Variants in RPTOR observed in about 807,000 individuals in gnomAD.
The protein encoded by RPTOR is regulatory-associated protein of mTOR.
RPTOR carries 21 observed loss-of-function variants against 169.9 expected under a neutral mutation model. That is an observed-to-expected ratio of 0.12 (90% CI 0.09 to 0.18). The LOEUF (loss-of-function observed/expected upper bound fraction) is 0.18. Among genes scored for constraint, RPTOR ranks in the 10% least tolerant of loss-of-function variants. RPTOR has a pLI of 1.00. For missense variants in RPTOR, 1,133 were observed against 1,855.9 expected, an observed-to-expected ratio of 0.61 and a Z score of 7.16; for synonymous variants, 732 against 753.2, an observed-to-expected ratio of 0.97 and a Z score of 0.46.
chr17:80,587,401 C>T (rs777287615), intron 1 of RPTOR, among the ~76,000 whole-genome samples: 1 of 152,192 alleles, frequency 6.6e-6, no homozygotes, highest in South Asian at 2.1e-4. Context: ...AATACAGTGT[C>T]GAACACTTGG....
At position 80,708,540 on chromosome 17, in the gene RPTOR, G is replaced by A. The variant is rs1306917723; in HGVS notation, c.507+541G>A. Among the ~76,000 whole-genome samples, 1 of 152,036 alleles carries A rather than the reference G, an allele frequency of 6.6e-6. No individual in the cohort carries two copies. Among genetic ancestry groups the A allele is most frequent in the Non-Finnish European group, 1.5e-5 (1 of 68,012 alleles). ...CTGTAGCTGTTGCTGTGGGTGGTGG[G>A]TGCTGACTGTCATCCCCATCCTCCA... On this transcript the variant is annotated intron_variant, in intron 4 of 33. Coordinates refer to ENST00000306801, the MANE Select transcript of RPTOR (RefSeq NM_020761.3). The surrounding 1 kb of genome is among the most constrained non-coding windows in gnomAD (Gnocchi z 4.2).
At chr17:80,901,418 A>G (rs1016042781) in intron 20 of RPTOR, among the ~76,000 whole-genome samples, 1 of 151,932 alleles carries the variant, frequency 6.6e-6, no homozygotes, top group Non-Finnish European at 1.5e-5. Flanking sequence ...TTTTATTCGT[A>G]TATCATTCAA....
intron 1 of RPTOR, among the ~76,000 whole-genome samples, chr17:80,610,073 A>G (rs767922443): frequency 6.6e-6 from 1 of 152,160 alleles, no homozygotes; most frequent in Non-Finnish European, 1.5e-5. Flanking sequence ...ACTAATGGTC[A>G]TAGAGTTGCT....
At chr17:80,780,188 T>A (rs2066926920) in intron 6 of RPTOR, among the ~76,000 whole-genome samples, 1 of 152,204 alleles carries the variant, frequency 6.6e-6, no homozygotes, top group African/African-American at 2.4e-5. Flanking sequence ...TCAGACGACT[T>A]AATTGATAAA....
intron 25 of RPTOR, 26 bp from the exon 26 acceptor site, chr17:80,945,641 C>G (rs1272721687): frequency 7.2e-7 from 1 of 1,380,402 alleles, no homozygotes; most frequent in Admixed American, 1.9e-5. Context: ...GCTCCTGGAT[C>G]CACTCTTGTG....
At chr17:80,937,241 C>T (rs1877926) in intron 24 of RPTOR, among the ~76,000 whole-genome samples, 55,443 of 151,844 alleles carry the variant, frequency 0.37, 10,291 homozygotes, top group East Asian at 0.47. Flanking sequence ...TTTGCCTTCA[C>T]CCAAGTCTTT....
intron 20 of RPTOR, among the ~76,000 whole-genome samples, chr17:80,907,747 G>A (rs1346566137): frequency 1.3e-5 from 2 of 152,142 alleles, no homozygotes; most frequent in African/African-American, 2.4e-5. Flanking sequence ...CATCACCTCC[G>A]TGTTTTATTG....
chr17:80,557,905 G>A (rs568874828), intron 1 of RPTOR, among the ~76,000 whole-genome samples: 27 of 152,136 alleles, frequency 1.8e-4, no homozygotes, highest in Non-Finnish European at 3.1e-4. Flanking sequence ...CAGCCTGGGC[G>A]ACAGAGCGAG....
intron 3 of RPTOR, among the ~76,000 whole-genome samples, chr17:80,656,865 G>A (rs542375868): frequency 9.8e-5 from 15 of 152,296 alleles, no homozygotes; most frequent in South Asian, 2.1e-4. Context: ...TCCTCTGTCC[G>A]GAACACTTGT....
At chr17:80,867,579 G>A (rs889626508) in intron 13 of RPTOR, among the ~76,000 whole-genome samples, 3 of 152,170 alleles carry the variant, frequency 2.0e-5, no homozygotes, top group Non-Finnish European at 4.4e-5. Flanking sequence ...AAAAGGAAGA[G>A]GTTTAACTGT....
intron 6 of RPTOR, chr17:80,773,923 G>A (rs973195027): frequency 3.0e-6 from 3 of 985,334 alleles, no homozygotes; most frequent in African/African-American, 1.7e-5. Context: ...CGGTGGACAC[G>A]CAGGGCTATG....
In RPTOR at chr17:80,936,470, G is replaced by A. The variant is rs2068955528; in HGVS notation, c.2920-4026G>A. On this transcript the variant is annotated intron_variant, in intron 24 of 33. Transcript: ENST00000306801. The surrounding 1 kb of genome is among the most constrained non-coding windows in gnomAD (Gnocchi z 4.1). ...ACCCAAGTTTCCTTCACCTCGTAAA[G>A]AGAGAAGCTGATACAACCATACAAT... 6.6e-6 allele frequency among the ~76,000 whole-genome samples: 1 copy of A among 152,158 alleles called. No individual in the cohort carries two copies. The highest frequency in any genetic ancestry group is 1.5e-5 in the Non-Finnish European group (1 of 68,034).
chr17:80,822,862 T>C lies in RPTOR; in HGVS notation c.992-217T>C, dbSNP rs927631115. On this transcript the variant is annotated intron_variant, in intron 8 of 33. Transcript: ENST00000306801. ...AGGTACACACCTGTGCACACACATGTATGTATGCATGTGTGCATGTGTGTA... is the reference window on the plus strand; with the variant it reads ...AGGTACACACCTGTGCACACACATGCATGTATGCATGTGTGCATGTGTGTA... Among the ~76,000 whole-genome samples, 9 of 152,176 alleles carry C rather than the reference T, an allele frequency of 5.9e-5. 1 individual carries two copies. Among genetic ancestry groups the C allele is most frequent in the African/African-American group, 2.2e-4 (9 of 41,450 alleles).
chr17:80,914,502 G>A (rs896864900), intron 21 of RPTOR, among the ~76,000 whole-genome samples: 1 of 152,214 alleles, frequency 6.6e-6, no homozygotes, highest in Non-Finnish European at 1.5e-5. Flanking sequence ...TGTGCTCTCA[G>A]GGGCCCAGGA....
chr17:80,574,320 G>A (rs1198810168), intron 1 of RPTOR, among the ~76,000 whole-genome samples: 2 of 150,440 alleles, frequency 1.3e-5, no homozygotes, highest in African/African-American at 4.9e-5. Flanking sequence ...GCCCGCCACC[G>A]CGCCCGGCTA....
In RPTOR at chr17:80,845,072, G is replaced by A. The variant is rs931914641; in HGVS notation, c.1213-1401G>A. ...GACTCTCCGTGGAGGGAATCAGGCC[G>A]GACTGCTCCTGCCTGGCCGCTCAGT... is the stretch of plus-strand genomic sequence containing the variant. On this transcript the variant is annotated intron_variant, in intron 10 of 33. Coordinates refer to ENST00000306801, the MANE Select transcript of RPTOR (RefSeq NM_020761.3). This position sits in a 1 kb window ranked among gnomAD's most constrained non-coding sequence, Gnocchi z 5.4. Among the ~76,000 whole-genome samples, 2 of 151,698 alleles carry A rather than the reference G, an allele frequency of 1.3e-5. No homozygotes were observed. The highest frequency in any genetic ancestry group is 2.4e-5 in the African/African-American group (1 of 41,288).
rs2068364451 is a variant in RPTOR, at chr17:80,893,814, A to G, written c.2350A>G (p.Ile784Val). 1 of 1,550,162 alleles carries G rather than the reference A, an allele frequency of 6.5e-7. No homozygotes were observed. The highest frequency in any genetic ancestry group is 1.4e-5 in the African/African-American group (1 of 72,040). The change falls in exon 20 of 34, where the codon ATC becomes GTC. Residue 784 changes from isoleucine to valine, a missense_variant. Physicochemically the swap from Ile to Val is conservative, Grantham distance 29. Around this residue, in one of 9 missense-constraint regions of RPTOR, gnomAD observed 150 missense variants for 206.4 expected, o/e 0.73. Transcript: ENST00000306801. ...GGAGCATATCCTGTCCTTCGAGACC[A>G]TCGACAAGATGCGCCGCGCCAGCTC... ...NEEHILSFET[I>V]DKMRRASSYS...
Position 80,803,158 on chromosome 17 carries a change from C to T in RPTOR, c.890+11649C>T, listed in dbSNP as rs560034664. ...ATGTGCGTGGCTGCAGACTTGCAAT[C>T]GGTGATAAAGCAGTGTGGCGTGAGG... is the stretch of plus-strand genomic sequence containing the variant. On this transcript the variant is annotated intron_variant, in intron 7 of 33. Coordinates refer to ENST00000306801, the MANE Select transcript of RPTOR (RefSeq NM_020761.3). This position sits in a 1 kb window ranked among gnomAD's most constrained non-coding sequence, Gnocchi z 6.2. 2 of 152,414 alleles carry T rather than the reference C, an allele frequency of 1.3e-5. No homozygotes were observed. Among genetic ancestry groups the T allele is most frequent in the East Asian group, 1.9e-4 (1 of 5,180 alleles). The allele number at this position is 152,414 out of a possible 1,614,324, so 9.4% of individuals were successfully genotyped here.
At chr17:80,727,531 A>G (rs368687431) in intron 4 of RPTOR, among the ~76,000 whole-genome samples, 2 of 151,480 alleles carry the variant, frequency 1.3e-5, no homozygotes, top group East Asian at 3.9e-4. Flanking sequence ...TGCACCTCTG[A>G]TCATGTCACA....
Sources: allele counts gnomAD v4.1 joint callset (sites outside exome capture counted in the v4.1 genomes callset), GRCh38; gene constraint gnomAD v4.1.1; regional missense constraint gnomAD v4.1.1; non-coding constraint Gnocchi (gnomAD v3.1); transcripts MANE v1.5; gene names NCBI Gene and HGNC (gene_info 2026-07-23, HGNC 2026-07-21).